The following EYA2 variants were observed in gnomAD, a reference collection of about 807,000 sequenced individuals.
EYA2 encodes protein phosphatase EYA2.
A neutral mutation model predicts 69.2 loss-of-function variants in EYA2; 31 were observed. The ratio of observed to expected loss-of-function variants is 0.45; its 90% CI spans 0.34 to 0.60. The LOEUF (loss-of-function observed/expected upper bound fraction) is 0.60, where lower values mean the gene tolerates loss of function less well. Among genes scored for constraint, EYA2 ranks in the 20% least tolerant of loss-of-function variants. The probability of loss-of-function intolerance (pLI) is 0.02; values close to 1 mark genes in which losing one functional copy is unlikely to be tolerated. For synonymous variants in EYA2, 257 were observed against 279.4 expected (o/e 0.92, Z 0.80); for missense variants, 622 against 701.2 (o/e 0.89, Z 1.28).
chr20:47,153,600 G>T (rs977850871), intron 10 of EYA2, among the ~76,000 whole-genome samples: 1 of 151,918 alleles, frequency 6.6e-6, no homozygotes, highest in African/African-American at 2.4e-5. Flanking sequence ...GCTGCAGTGA[G>T]CTAGCTGTGA....
intron 5 of EYA2, among the ~76,000 whole-genome samples, chr20:47,064,913 C>G (rs537877171): frequency 9.2e-5 from 14 of 152,280 alleles, no homozygotes; most frequent in African/African-American, 3.4e-4. Context: ...TAAAACATAC[C>G]TGAGGCTGGG....
At chr20:47,135,126 CAAAAA>C (rs11484435) in intron 9 of EYA2, among the ~76,000 whole-genome samples, 3 of 58,496 alleles carry the variant, frequency 5.1e-5, no homozygotes, top group Admixed American at 2.6e-4. Flanking sequence ...GACTCCATAT[CAAAAA>C]AAAAAAAAAA....
intron 5 of EYA2, among the ~76,000 whole-genome samples, chr20:47,019,243 G>C (rs937797406): frequency 6.6e-6 from 1 of 152,088 alleles, no homozygotes. Flanking sequence ...GCCCTACCAT[G>C]GGAATCGTCC....
chr20:46,959,366 A>C (rs1979329702), intron 1 of EYA2, among the ~76,000 whole-genome samples: 1 of 152,128 alleles, frequency 6.6e-6, no homozygotes, highest in African/African-American at 2.4e-5. Flanking sequence ...GATGCTGTGC[A>C]TTGTAGCATT....
rs763421253 is a variant in EYA2, at chr20:47,097,184, GTC to G, written c.888+28_888+29del. On this transcript the variant is annotated intron_variant, in intron 9 of 15. Transcript: ENST00000327619. ...ATACGGGAAGGTAAGAATCCATTTT[GTC>G]TCTCTCTCTCTTTTTTTGTTTTCAA... The G allele has an allele frequency of 8.0e-5, 126 of 1,575,318 alleles. No individual in the cohort carries two copies. Among genetic ancestry groups the G allele is most frequent in the Admixed American group, 2.3e-4 (13 of 56,954 alleles).
intron 1 of EYA2, among the ~76,000 whole-genome samples, chr20:46,943,339 C>T (rs1309902312): frequency 1.3e-5 from 2 of 152,146 alleles, no homozygotes; most frequent in African/African-American, 4.8e-5. Context: ...AGAGTATTGG[C>T]TTCAGCATAG....
chr20:47,174,613 C>T (rs2034392669), intron 12 of EYA2, among the ~76,000 whole-genome samples: 1 of 152,220 alleles, frequency 6.6e-6, no homozygotes, highest in African/African-American at 2.4e-5. Flanking sequence ...ATGCAGCCCA[C>T]GTGCTAAGCG....
intron 4 of EYA2, among the ~76,000 whole-genome samples, chr20:47,013,195 C>T (rs1467606639): frequency 6.6e-6 from 1 of 152,200 alleles, no homozygotes; most frequent in Non-Finnish European, 1.5e-5. Context: ...CCAGCCCCGC[C>T]CTCCTGGAGC....
At chr20:46,908,870 CTTTT>C (rs56834738) in intron 1 of EYA2, among the ~76,000 whole-genome samples, 15 of 47,576 alleles carry the variant, frequency 3.2e-4, no homozygotes, top group East Asian at 1.2e-3. Context: ...CTCTCCCGCA[CTTTT>C]TTTTTTTTTT....
chr20:47,083,932 G>C (rs1337238464), intron 7 of EYA2, among the ~76,000 whole-genome samples: 1 of 152,156 alleles, frequency 6.6e-6, no homozygotes, highest in Non-Finnish European at 1.5e-5. Flanking sequence ...CCAATAATAA[G>C]AAAGCAAACA....
intron 9 of EYA2, among the ~76,000 whole-genome samples, chr20:47,118,059 C>G (rs751146616): frequency 6.6e-6 from 1 of 152,174 alleles, no homozygotes; most frequent in Non-Finnish European, 1.5e-5. Context: ...GAAGCCCTGC[C>G]CAAGGAAAAC....
In EYA2 at chr20:46,920,413, G is replaced by A. The variant is rs58390681; in HGVS notation, c.-11+25426G>A. The stretch of plus-strand genomic sequence containing the variant: ...TTTATTTTCTTCCTATTTTGAGGAC[G>A]TGACACGTTATCTTTTTATGACTAA... On this transcript the variant is annotated intron_variant, in intron 1 of 15. Coordinates refer to ENST00000327619, the MANE Select transcript of EYA2 (RefSeq NM_005244.5). 7.8e-3 allele frequency among the ~76,000 whole-genome samples: 1,182 copies of A among 152,286 alleles called. 21 individuals are homozygous for A. Among genetic ancestry groups the A allele is most frequent in the African/African-American group, 0.027 (1,122 of 41,562 alleles).
intron 5 of EYA2, among the ~76,000 whole-genome samples, chr20:47,030,736 G>A (rs1032430707): frequency 1.3e-5 from 1 of 79,680 alleles, no homozygotes; most frequent in East Asian, 3.3e-4. Flanking sequence ...TCCTCTTTGG[G>A]TTCACAGAGA....
intron 10 of EYA2, among the ~76,000 whole-genome samples, chr20:47,153,052 G>A (rs1197261457): frequency 1.3e-5 from 2 of 151,878 alleles, no homozygotes; most frequent in Non-Finnish European, 1.5e-5. Flanking sequence ...ATGTTGGACA[G>A]TCTTGTACAA....
Position 47,003,937 on chromosome 20 carries a change from AT to A in EYA2, c.156-1002del, listed in dbSNP as rs1337175596. On this transcript the variant is annotated intron_variant, in intron 3 of 15. Transcript: ENST00000327619. ...AGAGATAAGAGCCTCCACCCCAGAG[AT>A]TTGATAAGAGCATCCATGAGATATA... Among the ~76,000 whole-genome samples, 10 of 152,318 alleles carry A rather than the reference AT, an allele frequency of 6.6e-5. No homozygotes were observed. The South Asian group carries it at 2.1e-3, about 32-fold the overall frequency.
intron 1 of EYA2, among the ~76,000 whole-genome samples, chr20:46,905,216 A>G (rs1984296659): frequency 6.6e-6 from 1 of 152,148 alleles, no homozygotes; most frequent in Non-Finnish European, 1.5e-5. Context: ...TACATGATAT[A>G]CATGTGTCCA....
At chr20:46,898,191 C>G (rs1199660976) in intron 1 of EYA2, among the ~76,000 whole-genome samples, 2 of 149,806 alleles carry the variant, frequency 1.3e-5, no homozygotes, top group African/African-American at 4.9e-5. Context: ...AAAGGCTGGA[C>G]TTTCTGACTA....
At chr20:46,945,782 G>A (rs906121042) in intron 1 of EYA2, among the ~76,000 whole-genome samples, 3 of 152,232 alleles carry the variant, frequency 2.0e-5, no homozygotes, top group Non-Finnish European at 4.4e-5. Flanking sequence ...ACAAGCTCTT[G>A]ATATGATGAT....
At chr20:47,027,093 T>A (rs1255722156) in intron 5 of EYA2, among the ~76,000 whole-genome samples, 2 of 152,194 alleles carry the variant, frequency 1.3e-5, no homozygotes, top group African/African-American at 4.8e-5. Flanking sequence ...ACAGATCACC[T>A]CCTTTGGGTT....
Sources: allele counts gnomAD v4.1 joint callset (sites outside exome capture counted in the v4.1 genomes callset), GRCh38; gene constraint gnomAD v4.1.1; transcripts MANE v1.5; gene names NCBI Gene and HGNC (gene_info 2026-07-23, HGNC 2026-07-21).